Variants in MSI1 observed in about 807,000 individuals in gnomAD.
MSI1 encodes the protein musashi RNA binding protein 1.
MSI1 carries 15 observed loss-of-function variants against 54.4 expected under a neutral mutation model. The observed-to-expected ratio is 0.28, with a 90% confidence interval of 0.18 to 0.42. The LOEUF (loss-of-function observed/expected upper bound fraction) is 0.42. Among genes scored for constraint, MSI1 ranks in the 20% least tolerant of loss-of-function variants. The pLI, the probability that MSI1 is intolerant of heterozygous loss-of-function variation, is 1.00. For missense variants in MSI1, 304 were observed against 506.0 expected (o/e 0.60, Z 3.83); for synonymous variants, 200 against 196.5 (o/e 1.02, Z -0.15).
In MSI1 at chr12:120,368,778, G is replaced by GCCGGGGGGT; in HGVS notation, c.100+46_100+54dup. 7.3e-7 allele frequency: 1 copy of GCCGGGGGGT among 1,363,194 alleles called. No homozygotes were observed. Among genetic ancestry groups the GCCGGGGGGT allele is most frequent in the Admixed American group, 2.7e-5 (1 of 36,764 alleles). 84.4% of individuals were successfully genotyped at this position (1,363,194 alleles called of 1,614,324 possible). On this transcript the variant is annotated intron_variant, in intron 2 of 14. Coordinates refer to ENST00000257552, the MANE Select transcript of MSI1 (RefSeq NM_002442.4). The surrounding 1 kb of genome is among the most constrained non-coding windows in gnomAD (Gnocchi z 6.6). ...GGGCTGGGGTGTCCGGGTCCGGGGC[G>GCCGGGGGGT]CCGGGGGGTCCGGGGTGCCCTGCCG... is the stretch of plus-strand genomic sequence containing the variant.
chr12:120,362,950 G>T, intron 6 of MSI1, 93 bp downstream of exon 6: 1 of 1,096,656 alleles, frequency 9.1e-7, no homozygotes, highest in Non-Finnish European at 1.4e-6. Context: ...TCTTTTGCAG[G>T]AATGGAATGA....
intron 11 of MSI1, among the ~76,000 whole-genome samples, chr12:120,350,116 G>A (rs1343383533): frequency 6.6e-6 from 1 of 151,926 alleles, no homozygotes; most frequent in South Asian, 2.1e-4. Flanking sequence ...TCACCTCTTG[G>A]GCTCAAACGA....
chr12:120,364,820 G>A (rs2136985968), intron 4 of MSI1, 65 bp from the exon 5 acceptor site: 2 of 1,474,516 alleles, frequency 1.4e-6, no homozygotes, highest in Non-Finnish European at 1.8e-6. Context: ...CGACCACACA[G>A]CCTTCAGCCC....
chr12:120,362,032 G>A (rs1354547740), intron 6 of MSI1, among the ~76,000 whole-genome samples: 1 of 151,754 alleles, frequency 6.6e-6, no homozygotes, highest in African/African-American at 2.4e-5. Flanking sequence ...TCCCAGGAGC[G>A]CCCTACCCTC....
downstream of MSI1, among the ~76,000 whole-genome samples, chr12:120,340,796 G>C (rs1210319288): frequency 3.3e-5 from 5 of 151,898 alleles, no homozygotes; most frequent in Non-Finnish European, 7.4e-5. Context: ...TTACAGGTGT[G>C]AGCAACCACA....
Position 120,368,701 on chromosome 12 carries a change from C to T in MSI1, c.100+132G>A. The T allele has an allele frequency of 1.2e-6, 1 of 809,972 alleles. No individual in the cohort carries two copies. Among genetic ancestry groups the T allele is most frequent in the South Asian group, 5.9e-5 (1 of 17,030 alleles). The allele number at this position is 809,972 out of a possible 1,614,324, so 50.2% of individuals were successfully genotyped here. ...GCCCTGCGCTCTCGGGGTCTCCGGGCGGGGCGCGAAAGAGGGCGCGAGGGC... is the reference window on the plus strand; with the variant it reads ...GCCCTGCGCTCTCGGGGTCTCCGGGTGGGGCGCGAAAGAGGGCGCGAGGGC... On this transcript the variant is annotated intron_variant, in intron 2 of 14. Coordinates refer to ENST00000257552, the MANE Select transcript of MSI1 (RefSeq NM_002442.4). This position sits in a 1 kb window ranked among gnomAD's most constrained non-coding sequence, Gnocchi z 6.6.
Position 120,368,922 on chromosome 12 carries a change from A to G in MSI1, c.60-49T>C. On this transcript the variant is annotated intron_variant, in intron 1 of 14. Coordinates refer to ENST00000257552, the MANE Select transcript of MSI1 (RefSeq NM_002442.4). The surrounding 1 kb of genome is among the most constrained non-coding windows in gnomAD (Gnocchi z 6.6). ...AGGGCCCGCGTGAGCGCCGGGCGCC[A>G]GGGCGCAGGGGGCGCGGGCCCGGGC... is the stretch of plus-strand genomic sequence containing the variant. The G allele has an allele frequency of 7.5e-7, 1 of 1,334,472 alleles. No individual in the cohort carries two copies. The highest frequency in any genetic ancestry group is 9.8e-7 in the Non-Finnish European group (1 of 1,023,654). The allele number at this position is 1,334,472 out of a possible 1,614,324, so 82.7% of individuals were successfully genotyped here.
At chr12:120,365,350 A>G (rs1403168531) in intron 4 of MSI1, among the ~76,000 whole-genome samples, 3 of 152,228 alleles carry the variant, frequency 2.0e-5, no homozygotes, top group Admixed American at 6.5e-5. Flanking sequence ...GGCAAATAAT[A>G]ACACCCACCT....
At chr12:120,343,237 C>T (rs1873841247) in intron 14 of MSI1, 132 bp from the exon 15 acceptor site, 1 of 152,284 alleles carries the variant, frequency 6.6e-6, no homozygotes, top group Non-Finnish European at 1.5e-5. Context: ...GAGTCCAGCT[C>T]TGTTGCCCAG....
intron 12 of MSI1, among the ~76,000 whole-genome samples, chr12:120,346,741 T>G (rs1874159137): frequency 6.6e-6 from 1 of 152,154 alleles, no homozygotes. Flanking sequence ...AGAAACACTT[T>G]TCCTCCTCTT....
rs955709702 is a variant in MSI1, at chr12:120,346,472, C to A, written c.860-150G>T. 3 of 757,486 alleles carry A rather than the reference C, an allele frequency of 4.0e-6. No individual in the cohort carries two copies. The African/African-American group carries it at 5.4e-5, about 14-fold the overall frequency. 46.9% of individuals were successfully genotyped at this position (757,486 alleles called of 1,614,324 possible). ...CTCCTGGAGATCTCCCCATGCCCAT[C>A]CACCCAGTCACCCCTAGCCCTGACC... On this transcript the variant is annotated intron_variant, in intron 12 of 14. Coordinates refer to ENST00000257552, the MANE Select transcript of MSI1 (RefSeq NM_002442.4).
chr12:120,345,792 T>C (rs1874064604), intron 13 of MSI1, among the ~76,000 whole-genome samples, 160 bp from the exon 14 acceptor site: 1 of 151,752 alleles, frequency 6.6e-6, no homozygotes, highest in Admixed American at 6.6e-5. Context: ...CACCCCCCAC[T>C]GCAGGTCTGC....
intron 11 of MSI1, among the ~76,000 whole-genome samples, chr12:120,348,696 C>A (rs1874350337): frequency 6.6e-6 from 1 of 151,880 alleles, no homozygotes; most frequent in Admixed American, 6.6e-5. Context: ...CCAGCCTGAC[C>A]AACATGGAGA....
Position 120,368,697 on chromosome 12 carries a change from C to T in MSI1, c.100+136G>A, listed in dbSNP as rs1449830127. The T allele has an allele frequency of 3.8e-6, 3 of 794,700 alleles. No individual in the cohort carries two copies. The highest frequency in any genetic ancestry group is 5.0e-6 in the Non-Finnish European group (3 of 599,384). 49.2% of individuals were successfully genotyped at this position (794,700 alleles called of 1,614,324 possible). On this transcript the variant is annotated intron_variant, in intron 2 of 14. Transcript: ENST00000257552. This position sits in a 1 kb window ranked among gnomAD's most constrained non-coding sequence, Gnocchi z 6.6. ...GATCGCCCTGCGCTCTCGGGGTCTC[C>T]GGGCGGGGCGCGAAAGAGGGCGCGA...
intron 14 of MSI1, among the ~76,000 whole-genome samples, chr12:120,345,310 T>G (rs1257013041): frequency 6.6e-6 from 1 of 152,188 alleles, no homozygotes; most frequent in African/African-American, 2.4e-5. Flanking sequence ...AACGATATCT[T>G]GTCTCAAAAA....
At chr12:120,349,943 C>T (rs1184223805) in intron 11 of MSI1, among the ~76,000 whole-genome samples, 1 of 152,186 alleles carries the variant, frequency 6.6e-6, no homozygotes, top group Non-Finnish European at 1.5e-5. Flanking sequence ...ATTTGCTCCC[C>T]TCTCTAAACT....
At chr12:120,357,985 CCT>C (rs1875286458) in intron 7 of MSI1, 87 bp from the exon 8 acceptor site, 4 of 1,109,276 alleles carry the variant, frequency 3.6e-6, no homozygotes, top group Non-Finnish European at 5.5e-6. Flanking sequence ...TATCCCCGCT[CCT>C]CTCTCTCTGG....
intron 10 of MSI1, among the ~76,000 whole-genome samples, chr12:120,352,318 T>C (rs115937126): frequency 6.6e-6 from 1 of 152,110 alleles, no homozygotes; most frequent in Non-Finnish European, 1.5e-5. Flanking sequence ...CGGGTGTCTC[T>C]AAAAGGCTTA....
chr12:120,353,710 G>A (rs1312865554), intron 9 of MSI1, among the ~76,000 whole-genome samples: 1 of 152,132 alleles, frequency 6.6e-6, no homozygotes, highest in African/African-American at 2.4e-5. Context: ...CCTGCACACT[G>A]CTCCTCCCTC....
Sources: allele counts gnomAD v4.1 joint callset (sites outside exome capture counted in the v4.1 genomes callset), GRCh38; gene constraint gnomAD v4.1.1; non-coding constraint Gnocchi (gnomAD v3.1); transcripts MANE v1.5; gene names NCBI Gene and HGNC (gene_info 2026-07-23, HGNC 2026-07-21).